RGL4: variants seen among roughly 807,000 people sequenced by gnomAD.
The protein encoded by RGL4 is ral guanine nucleotide dissociation stimulator like 4, also known as ral-GDS-related protein.
Under a neutral mutation model 49.6 loss-of-function variants are expected in RGL4, and 41 were observed. That is an observed-to-expected ratio of 0.83 (90% CI 0.64 to 1.07). The LOEUF (loss-of-function observed/expected upper bound fraction) is 1.07, where lower values mean the gene tolerates loss of function less well. RGL4 is among the 50% of genes least tolerant of loss of function. The pLI is 0.00. For synonymous variants in RGL4, 255 were observed against 238.0 expected, an observed-to-expected ratio of 1.07 and a Z score of -0.66; for missense variants, 610 against 591.9, an observed-to-expected ratio of 1.03 and a Z score of -0.32.
Position 23,693,118 on chromosome 22 carries a change from T to G in RGL4, c.696+127T>G, listed in dbSNP as rs1451444519. ...CTTCTTACCAACCGTGGGATCTGGA[T>G]GAGTTTCCTCACCCACAAGCCTTCC... is the stretch of plus-strand genomic sequence containing the variant. On this transcript the variant is annotated intron_variant, in intron 3 of 10. Coordinates refer to ENST00000290691, the MANE Select transcript of RGL4 (RefSeq NM_153615.2). The G allele has an allele frequency of 2.1e-6, 3 of 1,426,322 alleles. No individual in the cohort carries two copies. In the Admixed American group the frequency reaches 8.4e-5, roughly 40 times the overall value. 88.4% of individuals were successfully genotyped at this position (1,426,322 alleles called of 1,614,324 possible). A position where few individuals can be genotyped will look rare whatever the true frequency, so the allele number is the denominator to read the frequency against.
rs200873947 is a variant in RGL4, at chr22:23,698,938, G to A, written c.*55G>A. Reference sequence around the variant, plus strand: ...CCACCGGGATGCTGGCCAGAACACCGGCTCTGCACCATCCCTCACCCAGAC... The same window carrying A: ...CCACCGGGATGCTGGCCAGAACACCAGCTCTGCACCATCCCTCACCCAGAC... On this transcript the variant is annotated 3_prime_UTR_variant, in exon 11 of 11. Coordinates refer to ENST00000290691, the MANE Select transcript of RGL4 (RefSeq NM_153615.2). 43 of 1,598,220 alleles carry A rather than the reference G, an allele frequency of 2.7e-5. No individual in the cohort carries two copies. The highest frequency in any genetic ancestry group is 3.4e-5 in the South Asian group (3 of 88,432).
In RGL4 at chr22:23,692,514, A is replaced by C. The variant is rs1345570983; in HGVS notation, c.359A>C (p.Glu120Ala). 1 of 1,613,610 alleles carries C rather than the reference A, an allele frequency of 6.2e-7. No individual in the cohort carries two copies. The highest frequency in any genetic ancestry group is 8.5e-7 in the Non-Finnish European group (1 of 1,179,578). Residue 120 changes from glutamate to alanine, a missense_variant, in exon 2 of 11, where the codon GAG becomes GCG. Coordinates refer to ENST00000290691, the MANE Select transcript of RGL4 (RefSeq NM_153615.2). ...LGQLVLPEPN[E>A]AKPDDPAPRP... ...CAGTTGGTGCTTCCGGAGCCCAACGAGGCCAAGCCAGATGGTGAGGGGGCT... is the reference window on the plus strand; with the variant it reads ...CAGTTGGTGCTTCCGGAGCCCAACGCGGCCAAGCCAGATGGTGAGGGGGCT...
chr22:23,696,459 G>A, intron 6 of RGL4, 155 bp from the exon 7 acceptor site: 1 of 1,544,900 alleles, frequency 6.5e-7, no homozygotes, highest in South Asian at 1.2e-5. Context: ...TGCAAGACTG[G>A]GTGACACACA....
At chr22:23,694,749 C>G in intron 5 of RGL4, 2 of 608,330 alleles carry the variant, frequency 3.3e-6, no homozygotes, top group Non-Finnish European at 5.9e-6. Flanking sequence ...CGCAGTGGCT[C>G]ATGTGAAGTG....
chr22:23,695,151 GA>G, intron 6 of RGL4, 132 bp downstream of exon 6: 1 of 671,580 alleles, frequency 1.5e-6, no homozygotes, highest in Non-Finnish European at 2.6e-6. Context: ...AAGTGGACTT[GA>G]AAAATTCCCT....
At chr22:23,698,109 T>C (rs1476185716) in intron 9 of RGL4, 103 bp from the exon 10 acceptor site, 24 of 1,482,812 alleles carry the variant, frequency 1.6e-5, no homozygotes, top group Non-Finnish European at 2.0e-5. Context: ...ATGGGACCCC[T>C]TCAGAAAACT....
Position 23,697,160 on chromosome 22 carries a change from C to G in RGL4, c.1162-11C>G. ...CTACCCCTCCCACCTCCCCACCCCT[C>G]CTTGGCACAGGGTGTGGTCCCCTTC... On this transcript the variant is annotated splice_polypyrimidine_tract_variant and intron_variant, in intron 7 of 10. Transcript: ENST00000290691. 6.2e-7 allele frequency: 1 copy of G among 1,606,658 alleles called. No individual in the cohort carries two copies. Among genetic ancestry groups the G allele is most frequent in the Non-Finnish European group, 8.5e-7 (1 of 1,174,502 alleles).
rs760265022 is a variant in RGL4 at position 23,691,982 on chromosome 22, C to T, written c.-49C>T. ...CCTGTCCTCCTCCCCCCGACATCTG[C>T]CCCTTCCCTCCTAACCCCAGGACCA... is the stretch of plus-strand genomic sequence containing the variant. On this transcript the variant is annotated 5_prime_UTR_variant, in exon 1 of 11. Coordinates refer to ENST00000290691, the MANE Select transcript of RGL4 (RefSeq NM_153615.2). 6.3e-7 allele frequency: 1 copy of T among 1,591,332 alleles called. No homozygotes were observed. The highest frequency in any genetic ancestry group is 8.6e-7 in the Non-Finnish European group (1 of 1,164,774).
chr22:23,692,560 G>C (rs200117956), intron 2 of RGL4, 32 bp downstream of exon 2: 2 of 1,595,848 alleles, frequency 1.3e-6, no homozygotes, highest in Admixed American at 3.4e-5. Flanking sequence ...AAGACTTTCC[G>C]GGGGTGGTGT....
At chr22:23,695,449 TG>T in intron 6 of RGL4, 2 of 596,684 alleles carry the variant, frequency 3.4e-6, no homozygotes, top group Admixed American at 2.3e-5. Flanking sequence ...CTGCTGCTGC[TG>T]CTGCTGCTGC....
chr22:23,691,390 A>T lies in RGL4; in HGVS notation c.-641A>T, dbSNP rs1033139925. ...AAAGGAGCCACAGGCCCACTCAGACATCTGGAGAGGCTCACTGGGGTTCTC... is the reference window on the plus strand; with the variant it reads ...AAAGGAGCCACAGGCCCACTCAGACTTCTGGAGAGGCTCACTGGGGTTCTC... On this transcript the variant is annotated 5_prime_UTR_variant, in exon 1 of 11. Transcript: ENST00000290691. 1.6e-4 allele frequency: 24 copies of T among 152,352 alleles called. No individual in the cohort carries two copies. Among genetic ancestry groups the T allele is most frequent in the African/African-American group, 5.8e-4 (24 of 41,566 alleles). The allele number at this position is 152,352 out of a possible 1,614,324, so 9.4% of individuals were successfully genotyped here.
At chr22:23,698,458 C>A in intron 10 of RGL4, 125 bp downstream of exon 10, 1 of 1,172,326 alleles carries the variant, frequency 8.5e-7, no homozygotes, top group Non-Finnish European at 1.2e-6. Flanking sequence ...CAACGTCTGC[C>A]TTCTGGGCTC....
chr22:23,694,128 C>A, intron 4 of RGL4, 154 bp downstream of exon 4: 1 of 766,746 alleles, frequency 1.3e-6, no homozygotes, highest in Non-Finnish European at 2.2e-6. Flanking sequence ...CCTTGACTCC[C>A]ACGGCCCAGT....
In RGL4 at chr22:23,692,088, A is replaced by G; in HGVS notation, c.58A>G (p.Ser20Gly). The G allele has an allele frequency of 1.2e-6, 2 of 1,614,134 alleles. No homozygotes were observed. The highest frequency in any genetic ancestry group is 1.7e-5 in the Admixed American group (1 of 60,032). The change falls in exon 1 of 11, where the codon AGT (serine) becomes GGT (glycine). Residue 20 changes from serine (S) to glycine (G), a missense_variant. Ser to Gly is a moderately conservative substitution (Grantham distance 56, BLOSUM62 0). Coordinates refer to ENST00000290691, the MANE Select transcript of RGL4 (RefSeq NM_153615.2). ...TGCAGTCTTGAGTGCCCAGGTGTAC[A>G]GTGCTGTGCTCCAGGGCCTTTGGGA... ...AAAVLSAQVY[S>G]AVLQGLWEEN...
rs1213396495 is a variant in RGL4 at position 23,699,018 on chromosome 22, C to G, written c.*135C>G. ...GCTGGCAGCTCAGCTGCATCTTGCC[C>G]TGGATCCTCATCACCAACTGCTCCT... is the stretch of plus-strand genomic sequence containing the variant. On this transcript the variant is annotated 3_prime_UTR_variant, in exon 11 of 11. Coordinates refer to ENST00000290691, the MANE Select transcript of RGL4 (RefSeq NM_153615.2). The G allele has an allele frequency of 3.9e-6, 6 of 1,550,078 alleles. No individual in the cohort carries two copies. The highest frequency in any genetic ancestry group is 5.2e-6 in the Non-Finnish European group (6 of 1,147,038).
rs1257328493 is a variant in RGL4 at position 23,697,237 on chromosome 22, G to A, written c.1228G>A (p.Asp410Asn). The A allele has an allele frequency of 6.8e-6, 11 of 1,612,900 alleles. No individual in the cohort carries two copies. The highest frequency in any genetic ancestry group is 4.5e-5 in the East Asian group (2 of 44,848). Residue 410 changes from aspartate (D) to asparagine (N), a missense_variant, in exon 8 of 11, where the codon GAC becomes AAC. Transcript: ENST00000290691. Reference protein sequence around the residue: ...LQRLDSAIPDDLDGNTNKRSK... With the variant: ...LQRLDSAIPDNLDGNTNKRSK... ...GAGGCTGGATTCGGCCATCCCGGAC[G>A]ACCTGGATGTGAGTGAGCCTGGGGC...
intron 9 of RGL4, 163 bp downstream of exon 9, chr22:23,698,024 G>C: frequency 8.6e-7 from 1 of 1,168,906 alleles, no homozygotes; most frequent in South Asian, 1.4e-5. Context: ...AATGGGAAAA[G>C]CACTGGAATC....
At chr22:23,698,709 C>A in intron 10 of RGL4, 135 bp from the exon 11 acceptor site, 1 of 1,178,264 alleles carries the variant, frequency 8.5e-7, no homozygotes, top group Non-Finnish European at 1.2e-6. Context: ...GAGCCTATGG[C>A]CATGCCTCCA....
chr22:23,696,926 T>A (rs1176992900), intron 7 of RGL4, among the ~76,000 whole-genome samples: 12 of 152,204 alleles, frequency 7.9e-5, no homozygotes, highest in Admixed American at 6.5e-4. Flanking sequence ...TGTGACTTGT[T>A]AAAATCCCAC....
Sources: gnomAD v4.1 joint callset for allele counts (sites outside exome capture counted in the v4.1 genomes callset) on GRCh38, gnomAD v4.1.1 for gene constraint, MANE v1.5 for transcripts, NCBI Gene and HGNC (gene_info 2026-07-23, HGNC 2026-07-21) for gene names.